The following SLC25A21 variants were observed in gnomAD, a reference collection of about 807,000 sequenced individuals.
The protein encoded by SLC25A21 is mitochondrial 2-oxodicarboxylate carrier.
SLC25A21 carries 47 observed loss-of-function variants against 43.8 expected under a neutral mutation model. That is an observed-to-expected ratio of 1.07 (90% CI 0.85 to 1.37). The LOEUF (loss-of-function observed/expected upper bound fraction) is 1.37, where lower values mean the gene tolerates loss of function less well. Among genes scored for constraint, SLC25A21 ranks in the 40% most tolerant of loss-of-function variants. The probability of loss-of-function intolerance (pLI) is 0.00; values close to 1 mark genes in which losing one functional copy is unlikely to be tolerated. For synonymous variants in SLC25A21, 131 were observed against 121.3 expected, an observed-to-expected ratio of 1.08 and a Z score of -0.52; for missense variants, 352 against 350.2, an observed-to-expected ratio of 1.00 and a Z score of -0.04.
chr14:37,155,754 C>T (rs1963837158), intron 1 of SLC25A21, among the ~76,000 whole-genome samples: 1 of 152,008 alleles, frequency 6.6e-6, no homozygotes, highest in South Asian at 2.1e-4. Flanking sequence ...AAAGGCATTC[C>T]CAGACAAGCA....
chr14:37,099,265 T>C (rs1431385301), intron 1 of SLC25A21, among the ~76,000 whole-genome samples: 1 of 152,178 alleles, frequency 6.6e-6, no homozygotes, highest in East Asian at 1.9e-4. Context: ...TTTGTGTGTC[T>C]ATCTAAAATC....
chr14:36,759,297 T>A (rs1886052017), intron 3 of SLC25A21, among the ~76,000 whole-genome samples: 1 of 152,216 alleles, frequency 6.6e-6, no homozygotes, highest in African/African-American at 2.4e-5. Flanking sequence ...AAAGTAAGGT[T>A]GCCATCTAAA....
At chr14:36,741,146 T>C (rs186100076) in intron 3 of SLC25A21, among the ~76,000 whole-genome samples, 1 of 152,286 alleles carries the variant, frequency 6.6e-6, no homozygotes, top group East Asian at 1.9e-4. Flanking sequence ...TTTGCTGGTA[T>C]TTTTCTAATT....
chr14:36,813,155 G>C (rs142308730), intron 3 of SLC25A21, among the ~76,000 whole-genome samples: 8 of 152,108 alleles, frequency 5.3e-5, no homozygotes, highest in South Asian at 2.1e-4. Flanking sequence ...ATGGTGGTTT[G>C]CTGCACCCAT....
At chr14:36,918,571 A>T (rs1020821139) in intron 1 of SLC25A21, among the ~76,000 whole-genome samples, 1 of 152,138 alleles carries the variant, frequency 6.6e-6, no homozygotes, top group Non-Finnish European at 1.5e-5. Context: ...AGAAAGCCCA[A>T]CACAGAGGAA....
intron 1 of SLC25A21, among the ~76,000 whole-genome samples, chr14:36,939,629 T>C (rs1459087241): frequency 6.6e-6 from 1 of 152,124 alleles, no homozygotes; most frequent in Non-Finnish European, 1.5e-5. Flanking sequence ...AAACCTTTTA[T>C]TTTTTAATGC....
chr14:36,960,510 C>A (rs1418611469), intron 1 of SLC25A21, among the ~76,000 whole-genome samples: 1 of 151,940 alleles, frequency 6.6e-6, no homozygotes, highest in Non-Finnish European at 1.5e-5. Context: ...TTCTCAAGGA[C>A]GCCTTTTTCA....
chr14:36,981,045 T>C (rs199761939), intron 1 of SLC25A21, among the ~76,000 whole-genome samples: 1 of 151,218 alleles, frequency 6.6e-6, no homozygotes, highest in Non-Finnish European at 1.5e-5. Flanking sequence ...CAGACACTTC[T>C]CAAAAGAAGA....
intron 7 of SLC25A21, among the ~76,000 whole-genome samples, chr14:36,705,419 A>C (rs1027587608): frequency 5.9e-5 from 9 of 152,184 alleles, no homozygotes; most frequent in Admixed American, 4.6e-4. Context: ...AATGTAAACT[A>C]GGTGATCTAT....
At chr14:36,978,659 T>C (rs752319885) in intron 1 of SLC25A21, among the ~76,000 whole-genome samples, 1 of 152,208 alleles carries the variant, frequency 6.6e-6, no homozygotes, top group Non-Finnish European at 1.5e-5. Flanking sequence ...AATAATTAAA[T>C]ACTCACATAG....
intron 1 of SLC25A21, among the ~76,000 whole-genome samples, chr14:37,124,563 C>G (rs933425707): frequency 1.3e-5 from 2 of 152,148 alleles, no homozygotes; most frequent in African/African-American, 2.4e-5. Context: ...TGATTCCTCT[C>G]TTAAGCTCGA....
At chr14:36,953,016 T>C (rs772998655) in intron 1 of SLC25A21, among the ~76,000 whole-genome samples, 14 of 152,266 alleles carry the variant, frequency 9.2e-5, no homozygotes, top group Non-Finnish European at 1.9e-4. Context: ...TTTATCATTT[T>C]GCTATTCTAC....
At chr14:37,076,950 C>T (rs1962293686) in intron 1 of SLC25A21, among the ~76,000 whole-genome samples, 1 of 152,128 alleles carries the variant, frequency 6.6e-6, no homozygotes, top group Non-Finnish European at 1.5e-5. Flanking sequence ...AATAAAGTCT[C>T]CATAAAATAT....
chr14:36,813,907 A>C lies in SLC25A21; in HGVS notation c.203+11T>G. On this transcript the variant is annotated intron_variant, in intron 3 of 9. Transcript: ENST00000331299. ...AACATATTAAAATGGCTATATGAAG[A>C]ATATACATACCCTTCCATTTGGAAA... 6.5e-7 allele frequency: 1 copy of C among 1,537,054 alleles called. No individual in the cohort carries two copies. The highest frequency in any genetic ancestry group is 8.9e-7 in the Non-Finnish European group (1 of 1,121,768).
chr14:37,143,833 G>C (rs1370779033), intron 1 of SLC25A21, among the ~76,000 whole-genome samples: 1 of 152,140 alleles, frequency 6.6e-6, no homozygotes, highest in African/African-American at 2.4e-5. Flanking sequence ...CTTACATTTT[G>C]TCTGAGGAAA....
At chr14:36,939,577 C>T (rs1892507065) in intron 1 of SLC25A21, among the ~76,000 whole-genome samples, 1 of 152,026 alleles carries the variant, frequency 6.6e-6, no homozygotes, top group African/African-American at 2.4e-5. Flanking sequence ...CTCCTTTCTC[C>T]CAACTTCTTG....
rs1432915930 is a variant in SLC25A21, at chr14:36,678,998, G to T, written c.*1660C>A. Reference sequence around the variant, plus strand: ...GACATATTTCCTCTATCTCATAGATGGTAAAAGTGTTGCTTTTAAACTGGC... The same window carrying T: ...GACATATTTCCTCTATCTCATAGATTGTAAAAGTGTTGCTTTTAAACTGGC... On this transcript the variant is annotated 3_prime_UTR_variant, in exon 10 of 10. Transcript: ENST00000331299. 2.1e-6 allele frequency: 2 copies of T among 955,626 alleles called. No homozygotes were observed. Among genetic ancestry groups the T allele is most frequent in the African/African-American group, 4.2e-5 (2 of 48,098 alleles). The allele number at this position is 955,626 out of a possible 1,614,324, so 59.2% of individuals were successfully genotyped here.
intron 1 of SLC25A21, among the ~76,000 whole-genome samples, chr14:36,896,677 C>A (rs559595212): frequency 6.6e-6 from 1 of 152,064 alleles, no homozygotes; most frequent in African/African-American, 2.4e-5. Flanking sequence ...TGGCTGGTAC[C>A]GGTTGTTCCT....
chr14:37,003,944 CACCCAAGGCATGG>C (rs901837559), intron 1 of SLC25A21, among the ~76,000 whole-genome samples: 17 of 152,270 alleles, frequency 1.1e-4, no homozygotes, highest in African/African-American at 3.8e-4. Flanking sequence ...CACTGCCTAA[CACCCAAGGCATGG>C]ATTTCTTTGC....
Sources: gnomAD v4.1 joint callset for allele counts (sites outside exome capture counted in the v4.1 genomes callset) on GRCh38, gnomAD v4.1.1 for gene constraint, MANE v1.5 for transcripts, NCBI Gene and HGNC (gene_info 2026-07-23, HGNC 2026-07-21) for gene names.